DAB1: variants seen among roughly 807,000 people sequenced by gnomAD.
DAB1 encodes DAB adaptor protein 1.
DAB1 carries 15 observed loss-of-function variants against 64.6 expected under a neutral mutation model. The observed-to-expected ratio is 0.23, with a 90% CI of 0.16 to 0.36. DAB1 has a LOEUF of 0.36. Ranked by LOEUF, DAB1 falls within the 10% of genes least tolerant of loss-of-function variation. The pLI, the probability that DAB1 is intolerant of heterozygous loss-of-function variation, is 1.00. For missense variants in DAB1, 596 were observed against 706.7 expected (o/e 0.84, Z 1.78); for synonymous variants, 235 against 251.9 (o/e 0.93, Z 0.64).
rs1645669399 is a variant in DAB1, at chr1:56,997,428, C to T, written c.*716G>A. On this transcript the variant is annotated 3_prime_UTR_variant, in exon 15 of 15. Coordinates refer to ENST00000371236, the MANE Select transcript of DAB1 (RefSeq NM_001365792.1). The stretch of plus-strand genomic sequence containing the variant: ...TTCGTGATCATAATGAATAATCAAC[C>T]ACTTATTTGTCTTGTAATTTCAAGT... 6.6e-6 allele frequency: 1 copy of T among 152,132 alleles called. No individual in the cohort carries two copies. Among genetic ancestry groups the T allele is most frequent in the Admixed American group, 6.6e-5 (1 of 15,266 alleles). The allele number at this position is 152,132 out of a possible 1,614,324, so 9.4% of individuals were successfully genotyped here. A position where few individuals can be genotyped will look rare whatever the true frequency, so the allele number is the denominator to read the frequency against.
chr1:58,346,896 T>C (rs914293829), intron 3 of DAB1, among the ~76,000 whole-genome samples: 1 of 152,216 alleles, frequency 6.6e-6, no homozygotes, highest in Non-Finnish European at 1.5e-5. Context: ...AGGACTAAAC[T>C]TAGAGTCAGA....
chr1:57,301,639 A>T (rs1004804801), intron 1 of DAB1, among the ~76,000 whole-genome samples: 1 of 152,126 alleles, frequency 6.6e-6, no homozygotes, highest in Admixed American at 6.5e-5. Context: ...TAAAATATAT[A>T]CCGCCATTAT....
At chr1:57,565,864 C>A (rs1389841570) in intron 7 of DAB1, among the ~76,000 whole-genome samples, 1 of 152,134 alleles carries the variant, frequency 6.6e-6, no homozygotes, top group East Asian at 1.9e-4. Context: ...TTAGACAGAT[C>A]AATGAGACAG....
At chr1:57,637,309 T>C (rs1646068937) in intron 7 of DAB1, among the ~76,000 whole-genome samples, 2 of 152,084 alleles carry the variant, frequency 1.3e-5, no homozygotes, top group African/African-American at 4.8e-5. Flanking sequence ...CTTCAGTGAG[T>C]CATATATTTT....
intron 4 of DAB1, among the ~76,000 whole-genome samples, chr1:57,073,131 T>A (rs576123211): frequency 6.8e-4 from 104 of 152,188 alleles, no homozygotes; most frequent in Non-Finnish European, 1.1e-3. Flanking sequence ...CCTGGAGAAA[T>A]AATTCCACCC....
intron 2 of DAB1, among the ~76,000 whole-genome samples, chr1:57,171,021 G>A (rs1477806475): frequency 6.6e-6 from 1 of 152,146 alleles, no homozygotes; most frequent in African/African-American, 2.4e-5. Context: ...ATACGGCTTG[G>A]TAGAAAAGAG....
intron 6 of DAB1, among the ~76,000 whole-genome samples, chr1:57,719,013 T>G (rs935338354): frequency 2.6e-5 from 4 of 151,958 alleles, no homozygotes; most frequent in African/African-American, 9.7e-5. Flanking sequence ...ATATGAATTC[T>G]GCTTTCAGGC....
Position 57,995,632 on chromosome 1 carries a change from T to C in DAB1, n.388-111470A>G, listed in dbSNP as rs1570192552. On this transcript the variant is annotated intron_variant and non_coding_transcript_variant, in intron 5 of 20. Coordinates refer to the DAB1 transcript ENST00000485760. ...TAAAGTGACACAGAATACTTCATAA[T>C]GCAAAGGTAATTTTCTCAACGTTAA... is the stretch of plus-strand genomic sequence containing the variant. 2.0e-5 allele frequency among the ~76,000 whole-genome samples: 3 copies of C among 152,174 alleles called. No individual in the cohort carries two copies. In the East Asian group the frequency reaches 5.8e-4, roughly 29 times the overall value.
intron 4 of DAB1, among the ~76,000 whole-genome samples, chr1:58,200,403 A>G (rs1313263334): frequency 6.6e-6 from 1 of 152,148 alleles, no homozygotes; most frequent in Non-Finnish European, 1.5e-5. Flanking sequence ...CAAATCTAAT[A>G]CATTATTGCC....
intron 5 of DAB1, among the ~76,000 whole-genome samples, chr1:58,115,999 AT>A (rs1221171545): frequency 1.3e-5 from 2 of 149,270 alleles, no homozygotes; most frequent in African/African-American, 5.0e-5. Context: ...AAAAAAAAAA[AT>A]TAATATTAAA....
chr1:57,483,046 A>G (rs1405164246), intron 7 of DAB1, among the ~76,000 whole-genome samples: 2 of 152,248 alleles, frequency 1.3e-5, no homozygotes, highest in African/African-American at 4.8e-5. Context: ...GATATCTTAA[A>G]TAGAAAAGTA....
intron 1 of DAB1, among the ~76,000 whole-genome samples, chr1:57,309,223 G>A (rs1371187760): frequency 6.6e-6 from 1 of 152,140 alleles, no homozygotes; most frequent in Non-Finnish European, 1.5e-5. Flanking sequence ...TGCTTTGCCT[G>A]AAGTTACACA....
chr1:58,473,823 C>T (rs1645390723), intron 3 of DAB1: 2 of 578,328 alleles, frequency 3.5e-6, no homozygotes, highest in African/African-American at 3.8e-5. Context: ...CACCGCCAAG[C>T]ACACTTCCCA....
intron 3 of DAB1, among the ~76,000 whole-genome samples, chr1:58,503,226 T>C (rs934661365): frequency 5.3e-5 from 8 of 152,134 alleles, no homozygotes; most frequent in Admixed American, 2.6e-4. Flanking sequence ...ATCATATTGT[T>C]ATCATTGCTT....
chr1:58,492,777 G>C (rs1386535800), intron 3 of DAB1, among the ~76,000 whole-genome samples: 1 of 152,092 alleles, frequency 6.6e-6, no homozygotes, highest in Non-Finnish European at 1.5e-5. Context: ...ATAATTAATA[G>C]CTTACCAACC....
chr1:57,477,579 TTGGAG>T (rs1251868743), intron 7 of DAB1, among the ~76,000 whole-genome samples: 2 of 152,132 alleles, frequency 1.3e-5, no homozygotes, highest in Non-Finnish European at 2.9e-5. Context: ...CTAATATAAA[TTGGAG>T]TGATTAGAGA....
At chr1:57,811,610 C>T (rs1025088850) in intron 6 of DAB1, among the ~76,000 whole-genome samples, 13 of 152,122 alleles carry the variant, frequency 8.5e-5, no homozygotes, top group African/African-American at 2.2e-4. Context: ...TGGGAATGGA[C>T]GAATGCAGTA....
Position 58,183,833 on chromosome 1 carries a change from G to C in DAB1, n.310-33245C>G, listed in dbSNP as rs191766230. Among the ~76,000 whole-genome samples, 755 of 152,024 alleles carry C rather than the reference G, an allele frequency of 5.0e-3. 3 individuals carry two copies. Among genetic ancestry groups the C allele is most frequent in the South Asian group, 8.9e-3 (43 of 4,808 alleles). On this transcript the variant is annotated intron_variant and non_coding_transcript_variant, in intron 4 of 20. Coordinates refer to the DAB1 transcript ENST00000485760. The stretch of plus-strand genomic sequence containing the variant: ...CCAGATTGTACAGCCACTAATGCTT[G>C]CAATCAGTTTTTCTTTTATTCCTCT...
intron 4 of DAB1, among the ~76,000 whole-genome samples, chr1:58,267,673 C>T (rs914833913): frequency 5.3e-5 from 8 of 152,076 alleles, no homozygotes; most frequent in East Asian, 1.9e-4. Context: ...GAATGCTGAG[C>T]GAACATCAGT....
Sources: gnomAD v4.1 joint callset for allele counts (sites outside exome capture counted in the v4.1 genomes callset) on GRCh38, gnomAD v4.1.1 for gene constraint, MANE v1.5 for transcripts, NCBI Gene and HGNC (gene_info 2026-07-23, HGNC 2026-07-21) for gene names.